The following IL1RAPL2 variants were observed in gnomAD, a reference collection of about 807,000 sequenced individuals.
IL1RAPL2 encodes the protein interleukin 1 receptor accessory protein like 2.
Under a neutral mutation model 44.1 loss-of-function variants are expected in IL1RAPL2, and 3 were observed. The observed-to-expected ratio is 0.07, with a 90% CI of 0.03 to 0.18. The LOEUF (loss-of-function observed/expected upper bound fraction) is 0.18. IL1RAPL2 is among the 10% of genes least tolerant of loss of function. IL1RAPL2 has a pLI of 1.00. For synonymous variants in IL1RAPL2, 181 were observed against 178.8 expected, an observed-to-expected ratio of 1.01 and a Z score of -0.10; for missense variants, 391 against 496.4, an observed-to-expected ratio of 0.79 and a Z score of 2.02.
In IL1RAPL2 at chrX:105,102,194, C is replaced by T. The variant is rs147228736; in HGVS notation, c.83-93281C>T. ...TGTTACAAGTCTGATTTCATGTCATCCTCTTCCAGTTTAGCTGACTAGTCT... is the reference window on the plus strand; with the variant it reads ...TGTTACAAGTCTGATTTCATGTCATTCTCTTCCAGTTTAGCTGACTAGTCT... On this transcript the variant is annotated intron_variant, in intron 2 of 10. Coordinates refer to ENST00000372582, the MANE Select transcript of IL1RAPL2 (RefSeq NM_017416.2). Among the ~76,000 whole-genome samples the T allele has an allele frequency of 1.5e-4, 17 of 111,326 alleles. No homozygotes were observed. The East Asian group carries it at 4.8e-3, about 32-fold the overall frequency.
At chrX:105,263,024 T>C (rs779484271) in intron 4 of IL1RAPL2, among the ~76,000 whole-genome samples, 1 of 110,502 alleles carries the variant, frequency 9.0e-6, no homozygotes, top group East Asian at 2.9e-4. Flanking sequence ...TAGCTGGGTT[T>C]ACAGGCATGC....
At chrX:104,643,280 C>T (rs1287054885) in intron 1 of IL1RAPL2, among the ~76,000 whole-genome samples, 1 of 111,469 alleles carries the variant, frequency 9.0e-6, no homozygotes, top group East Asian at 2.8e-4. Context: ...CATATTTGCA[C>T]GGACTTTTAT....
chrX:104,672,902 G>A (rs1930645567), intron 2 of IL1RAPL2, among the ~76,000 whole-genome samples: 1 of 111,947 alleles, frequency 8.9e-6, no homozygotes, highest in Non-Finnish European at 1.9e-5. Context: ...CTTCTTTTGA[G>A]AAGTGTCTGT....
At chrX:105,216,298 C>T (rs782665453) in intron 3 of IL1RAPL2, among the ~76,000 whole-genome samples, 4 of 110,844 alleles carry the variant, frequency 3.6e-5, no homozygotes, top group Non-Finnish European at 5.7e-5. Context: ...AAATCACAAG[C>T]GTTCCTATAC....
At chrX:105,603,996 G>A (rs2037274062) in intron 6 of IL1RAPL2, among the ~76,000 whole-genome samples, 2 of 110,263 alleles carry the variant, frequency 1.8e-5, no homozygotes, top group Non-Finnish European at 3.8e-5. Context: ...TAAAACCTAT[G>A]GGATATAGTG....
intron 5 of IL1RAPL2, among the ~76,000 whole-genome samples, chrX:105,348,313 T>C (rs1395253373): frequency 9.0e-6 from 1 of 111,408 alleles, no homozygotes; most frequent in Admixed American, 9.7e-5. Flanking sequence ...TAGAGCCAGA[T>C]ATCCTGGGTT....
intron 3 of IL1RAPL2, among the ~76,000 whole-genome samples, chrX:105,214,332 TA>T (rs2033833724): frequency 1.0e-5 from 1 of 98,754 alleles, no homozygotes; most frequent in Non-Finnish European, 2.0e-5. Flanking sequence ...TAGTCTCTGA[TA>T]AAACAGAGTT....
rs1367778723 is a variant in IL1RAPL2 at position 105,740,577 on chromosome X, G to A, written c.934G>A (p.Val312Ile). 8.3e-7 allele frequency: 1 copy of A among 1,209,148 alleles called. No homozygotes were observed. The highest frequency in any genetic ancestry group is 1.1e-6 in the Non-Finnish European group (1 of 893,642). Residue 312 changes from valine (V) to isoleucine (I), a missense_variant, in exon 8 of 11, where the codon GTT (valine) becomes ATT (isoleucine). Physicochemically the swap from Val to Ile is conservative, Grantham distance 29. Around this residue, in one of 2 missense-constraint regions of IL1RAPL2, gnomAD observed 159 missense variants for 251.7 expected, o/e 0.63. Coordinates refer to ENST00000372582, the MANE Select transcript of IL1RAPL2 (RefSeq NM_017416.2). ...CAAAGAGCATCTTGGAGAAAAAGAA[G>A]TTGAATTGGCACTCATCTTTGACTC... ...LLKEHLGEKE[V>I]ELALIFDSVV...
intron 4 of IL1RAPL2, among the ~76,000 whole-genome samples, chrX:105,258,398 A>G (rs952092225): frequency 1.4e-4 from 16 of 111,528 alleles, no homozygotes; most frequent in African/African-American, 4.2e-4. Context: ...AAATCTGACA[A>G]TTATGTATCT....
chrX:105,629,507 A>G (rs956994253), intron 6 of IL1RAPL2, among the ~76,000 whole-genome samples: 1 of 111,580 alleles, frequency 9.0e-6, no homozygotes, highest in Non-Finnish European at 1.9e-5. Flanking sequence ...GAGTAATCCA[A>G]GGTGCTACTC....
chrX:104,762,995 A>T (rs1485404193), intron 2 of IL1RAPL2, among the ~76,000 whole-genome samples: 2 of 112,510 alleles, frequency 1.8e-5, no homozygotes, highest in Non-Finnish European at 3.8e-5. Flanking sequence ...CTTGTTACTT[A>T]TGCAAATTTC....
rs144671690 is a variant in IL1RAPL2 at position 104,842,620 on chromosome X, C to A, written c.82+183625C>A. Among the ~76,000 whole-genome samples the A allele has an allele frequency of 8.3e-4, 93 of 112,378 alleles. No homozygotes were observed. The East Asian group carries it at 0.019, about 23-fold the overall frequency. On this transcript the variant is annotated intron_variant, in intron 2 of 10. Transcript: ENST00000372582. Reference sequence around the variant, plus strand: ...ATGTCGTTGTTGTTGTCATTGCTTTCTGTTTGTTTTTCTTCTAACAGTCAG... The same window carrying A: ...ATGTCGTTGTTGTTGTCATTGCTTTATGTTTGTTTTTCTTCTAACAGTCAG...
intron 6 of IL1RAPL2, among the ~76,000 whole-genome samples, chrX:105,608,306 T>C (rs1029700413): frequency 1.8e-5 from 2 of 111,506 alleles, no homozygotes; most frequent in Non-Finnish European, 3.8e-5. Flanking sequence ...AATCAAGCTT[T>C]AAAATGTCAA....
At chrX:105,047,347 G>C (rs2031853892) in intron 2 of IL1RAPL2, among the ~76,000 whole-genome samples, 1 of 111,286 alleles carries the variant, frequency 9.0e-6, no homozygotes, top group South Asian at 3.8e-4. Context: ...TGTATGCTCG[G>C]TATGCCATTT....
At chrX:104,711,260 A>G (rs1931451328) in intron 2 of IL1RAPL2, among the ~76,000 whole-genome samples, 1 of 111,682 alleles carries the variant, frequency 9.0e-6, no homozygotes, top group South Asian at 3.7e-4. Flanking sequence ...CTCTGTGAAT[A>G]CATGACTGTA....
chrX:105,293,116 C>CAAAAAAAA (rs10566162), intron 5 of IL1RAPL2, among the ~76,000 whole-genome samples: 3 of 50,855 alleles, frequency 5.9e-5, no homozygotes, highest in African/African-American at 1.2e-4. Flanking sequence ...CGACTCTGTC[C>CAAAAAAAA]AAAAAAAAAA....
intron 10 of IL1RAPL2, among the ~76,000 whole-genome samples, chrX:105,758,409 A>ATCTCTCTCTCTCTCTCTCTCTC (rs59823277): frequency 2.9e-5 from 3 of 102,382 alleles, no homozygotes; most frequent in African/African-American, 1.1e-4. Context: ...GTACATGAAA[A>ATCTCTCTCTCTCTCTCTCTCTC]TCTCTCTCTC....
intron 1 of IL1RAPL2, among the ~76,000 whole-genome samples, chrX:104,576,260 G>A (rs994341762): frequency 7.2e-5 from 8 of 111,118 alleles, no homozygotes; most frequent in East Asian, 2.8e-4. Context: ...AGCCAGTCTC[G>A]CTCTAAAATC....
chrX:104,597,485 T>A (rs757781844), intron 1 of IL1RAPL2, among the ~76,000 whole-genome samples: 2 of 111,493 alleles, frequency 1.8e-5, no homozygotes, highest in Non-Finnish European at 3.8e-5. Flanking sequence ...TTGAGAAAAG[T>A]ATGGTTCTCT....
Sources: allele counts gnomAD v4.1 joint callset (sites outside exome capture counted in the v4.1 genomes callset), GRCh38; gene constraint gnomAD v4.1.1; regional missense constraint gnomAD v4.1.1; transcripts MANE v1.5; gene names NCBI Gene and HGNC (gene_info 2026-07-23, HGNC 2026-07-21).